The following PTCSC3 variants were observed in gnomAD, a reference collection of about 807,000 sequenced individuals.
PTCSC3 encodes the protein papillary thyroid carcinoma susceptibility candidate 3 (non-protein coding).
chr14:36,160,373 C>G (rs905809836), intron 2 of PTCSC3, among the ~76,000 whole-genome samples: 1 of 152,062 alleles, frequency 6.6e-6, no homozygotes, highest in African/African-American at 2.4e-5. Context: ...ATCTGTTGTT[C>G]CTTATCATGT....
chr14:36,138,753 T>G (rs1202656455), intron 3 of PTCSC3, among the ~76,000 whole-genome samples: 1 of 152,240 alleles, frequency 6.6e-6, no homozygotes, highest in Admixed American at 6.5e-5. Flanking sequence ...AAAAACAATT[T>G]GGCAGTTTAG....
At chr14:36,148,680 G>C (rs1195199256) in intron 3 of PTCSC3, among the ~76,000 whole-genome samples, 4 of 152,136 alleles carry the variant, frequency 2.6e-5, no homozygotes, top group Non-Finnish European at 2.9e-5. Flanking sequence ...GGCCATCTTG[G>C]CTCCTCCCCC....
At chr14:36,147,888 C>T (rs1243126639) in intron 3 of PTCSC3, among the ~76,000 whole-genome samples, 2 of 151,916 alleles carry the variant, frequency 1.3e-5, no homozygotes, top group African/African-American at 4.8e-5. Context: ...ACAGACAGGA[C>T]CCTCAGCTGC....
chr14:36,151,773 C>G (rs1156257751), intron 3 of PTCSC3, among the ~76,000 whole-genome samples: 2 of 152,112 alleles, frequency 1.3e-5, no homozygotes, highest in Non-Finnish European at 2.9e-5. Flanking sequence ...GAGAGCCAGC[C>G]TTTGTTATAG....
intron 2 of PTCSC3, among the ~76,000 whole-genome samples, chr14:36,155,293 G>A (rs1238048616): frequency 6.6e-6 from 1 of 152,080 alleles, no homozygotes; most frequent in African/African-American, 2.4e-5. Context: ...ATAGAAAAAA[G>A]TCTTAATAAC....
chr14:36,154,586 G>T (rs1304556341), intron 2 of PTCSC3, among the ~76,000 whole-genome samples: 1 of 152,114 alleles, frequency 6.6e-6, no homozygotes, highest in Non-Finnish European at 1.5e-5. Flanking sequence ...TTGGGGAGAG[G>T]TAAGACAGGA....
At chr14:36,162,064 A>T (rs1881967658) in intron 2 of PTCSC3, among the ~76,000 whole-genome samples, 1 of 151,990 alleles carries the variant, frequency 6.6e-6, no homozygotes, top group Admixed American at 6.6e-5. Context: ...TCCCCTCACC[A>T]AGCTCGAGTG....
intron 3 of PTCSC3, among the ~76,000 whole-genome samples, chr14:36,150,461 A>G (rs1881695307): frequency 6.6e-6 from 1 of 152,228 alleles, no homozygotes; most frequent in South Asian, 2.1e-4. Context: ...ACTCCAGAAC[A>G]GTAAGAAATA....
intron 1 of PTCSC3, among the ~76,000 whole-genome samples, chr14:36,167,283 G>T (rs1882108034): frequency 6.6e-6 from 1 of 152,076 alleles, no homozygotes; most frequent in Non-Finnish European, 1.5e-5. Flanking sequence ...GAAGCTAGCT[G>T]GCCCATTTCC....
Position 36,155,215 on chromosome 14 carries a change from T to C in PTCSC3, n.232-1321A>G, listed in dbSNP as rs73256172. Among the ~76,000 whole-genome samples, 749 of 152,294 alleles carry C rather than the reference T, an allele frequency of 4.9e-3. 3 individuals are homozygous for C. Among genetic ancestry groups the C allele is most frequent in the African/African-American group, 0.017 (707 of 41,572 alleles). ...TTCACTATTGAAACTCCAAGGTAGT[T>C]AAGTGACTGATAATTATTTTTCTTC... On this transcript the variant is annotated intron_variant and non_coding_transcript_variant, in intron 2 of 3. Coordinates refer to ENST00000556013, the Ensembl canonical transcript of PTCSC3.
At chr14:36,165,722 C>CTTTTTTTTTTTTTTTTTTTTTT (rs71448056) in intron 1 of PTCSC3, among the ~76,000 whole-genome samples, 1 of 124,820 alleles carries the variant, frequency 8.0e-6, no homozygotes. Context: ...TTTATTTTTC[C>CTTTTTTTTTTTTTTTTTTTTTT]TTTTTTTTTT....
At chr14:36,153,303 AT>A (rs1881762899) in intron 3 of PTCSC3, among the ~76,000 whole-genome samples, 1 of 152,216 alleles carries the variant, frequency 6.6e-6, no homozygotes, top group Non-Finnish European at 1.5e-5. Flanking sequence ...TCACATATAA[AT>A]TTTGGCAGGG....
At chr14:36,146,787 G>T (rs1421743237) in intron 3 of PTCSC3, among the ~76,000 whole-genome samples, 4 of 152,176 alleles carry the variant, frequency 2.6e-5, no homozygotes, top group South Asian at 2.1e-4. Context: ...GCATGATTTT[G>T]CAGCGGCTGG....
intron 1 of PTCSC3, among the ~76,000 whole-genome samples, chr14:36,165,800 A>G (rs1167026247): frequency 6.8e-6 from 1 of 146,220 alleles, no homozygotes; most frequent in Non-Finnish European, 1.5e-5. Context: ...CTAATGATTT[A>G]GGGCAGTAGA....
At chr14:36,151,697 G>C (rs1881728525) in intron 3 of PTCSC3, among the ~76,000 whole-genome samples, 1 of 152,142 alleles carries the variant, frequency 6.6e-6, no homozygotes, top group Non-Finnish European at 1.5e-5. Context: ...ATGTGAGACT[G>C]AAATTGAGGC....
At chr14:36,156,312 A>G (rs997178068) in intron 2 of PTCSC3, among the ~76,000 whole-genome samples, 2 of 152,198 alleles carry the variant, frequency 1.3e-5, no homozygotes, top group Non-Finnish European at 2.9e-5. Context: ...CATTGTGATG[A>G]AAGATTAGAA....
intron 2 of PTCSC3, among the ~76,000 whole-genome samples, chr14:36,157,466 T>C (rs1275575365): frequency 6.6e-6 from 1 of 152,186 alleles, no homozygotes; most frequent in African/African-American, 2.4e-5. Flanking sequence ...ATTCATGAAG[T>C]CTTTGCCCAT....
intron 1 of PTCSC3, among the ~76,000 whole-genome samples, chr14:36,173,090 C>T (rs568137504): frequency 3.9e-4 from 60 of 151,994 alleles, no homozygotes; most frequent in Non-Finnish European, 6.5e-4. Flanking sequence ...TATCAGATTC[C>T]GCAGATAAAC....
In PTCSC3 at chr14:36,150,911, C is replaced by T. The variant is rs563605121; in HGVS notation, n.322+2893G>A. Among the ~76,000 whole-genome samples, 207 of 150,412 alleles carry T rather than the reference C, an allele frequency of 1.4e-3. 1 individual carries two copies. Among genetic ancestry groups the T allele is most frequent in the African/African-American group, 4.8e-3 (199 of 41,126 alleles). On this transcript the variant is annotated intron_variant and non_coding_transcript_variant, in intron 3 of 3. Coordinates refer to ENST00000556013, the Ensembl canonical transcript of PTCSC3. ...ATTTTGAACAAACAATTATATATTA[C>T]ATAAGATATGAATAAGAAAGGTATT...
Sources: gnomAD v4.1 joint callset for allele counts (sites outside exome capture counted in the v4.1 genomes callset) on GRCh38, gnomAD v4.1.1 for gene constraint, MANE v1.5 for transcripts, NCBI Gene and HGNC (gene_info 2026-07-23, HGNC 2026-07-21) for gene names.